ERN1: variants seen among roughly 807,000 people sequenced by gnomAD.
The protein encoded by ERN1 is endoplasmic reticulum to nucleus signaling 1.
Under a neutral mutation model 113.1 loss-of-function variants are expected in ERN1, and 39 were observed. The observed-to-expected ratio is 0.34, with a 90% CI of 0.27 to 0.45. The LOEUF is 0.45. Among genes scored for constraint, ERN1 ranks in the 20% least tolerant of loss-of-function variants. The probability of loss-of-function intolerance (pLI) is 1.00; values close to 1 mark genes in which losing one functional copy is unlikely to be tolerated. For missense variants in ERN1, 976 were observed against 1,274.8 expected (o/e 0.77, Z 3.57); for synonymous variants, 507 against 515.9 (o/e 0.98, Z 0.23).
intron 1 of ERN1, among the ~76,000 whole-genome samples, chr17:64,123,535 T>A (rs1032568246): frequency 6.6e-6 from 1 of 152,070 alleles, no homozygotes; most frequent in Admixed American, 6.6e-5. Flanking sequence ...TAAAAGAAAA[T>A]AGCATACTTT....
intron 2 of ERN1, among the ~76,000 whole-genome samples, chr17:64,093,959 C>T (rs749636458): frequency 1.3e-5 from 2 of 152,172 alleles, no homozygotes; most frequent in African/African-American, 4.8e-5. Context: ...CAGAGACTAG[C>T]GGACTTTACA....
intron 12 of ERN1, 99 bp from the exon 13 acceptor site, chr17:64,056,047 A>C: frequency 6.9e-7 from 1 of 1,444,408 alleles, no homozygotes; most frequent in Non-Finnish European, 9.1e-7. Context: ...GAGCATGTGT[A>C]CTTTATGTGA....
At position 64,054,457 on chromosome 17, in the gene ERN1, G is replaced by A; in HGVS notation, c.1764-18C>T. ...ACATGCCCCTGCGGGATGAGGAGTG[G>A]GAGTTGTGTCTGGGAAGCACGAGTC... On this transcript the variant is annotated intron_variant, in intron 14 of 21. Transcript: ENST00000433197. This position sits in a 1 kb window ranked among gnomAD's most constrained non-coding sequence, Gnocchi z 4.9. The A allele has an allele frequency of 6.5e-7, 1 of 1,547,692 alleles. No individual in the cohort carries two copies. Among genetic ancestry groups the A allele is most frequent in the Non-Finnish European group, 8.7e-7 (1 of 1,143,410 alleles).
chr17:64,087,376 T>C (rs1913965637), intron 2 of ERN1, among the ~76,000 whole-genome samples: 3 of 152,180 alleles, frequency 2.0e-5, no homozygotes, highest in Admixed American at 6.5e-5. Context: ...CCAGTCCCAC[T>C]TGCAACTGCT....
chr17:64,100,342 T>G (rs1914350956), intron 1 of ERN1, among the ~76,000 whole-genome samples: 1 of 152,124 alleles, frequency 6.6e-6, no homozygotes, highest in Non-Finnish European at 1.5e-5. Context: ...GGGCAAATTA[T>G]GCATACCTGG....
chr17:64,077,935 C>T (rs1022158151), intron 4 of ERN1, among the ~76,000 whole-genome samples: 19 of 152,046 alleles, frequency 1.2e-4, no homozygotes, highest in African/African-American at 4.1e-4. Flanking sequence ...TTAGTAGAGA[C>T]GGGGTTTCAC....
intron 2 of ERN1, among the ~76,000 whole-genome samples, chr17:64,086,667 G>A (rs1176124969): frequency 7.9e-5 from 1 of 12,620 alleles, no homozygotes; most frequent in Non-Finnish European, 1.6e-4. Flanking sequence ...TTTTTTTTGA[G>A]ATGGAGTCTC....
intron 19 of ERN1, among the ~76,000 whole-genome samples, chr17:64,046,012 T>C (rs953975679): frequency 2.6e-5 from 4 of 152,068 alleles, no homozygotes; most frequent in African/African-American, 9.7e-5. Context: ...GAGGCTCCTG[T>C]TGGGATTCAA....
intron 4 of ERN1, among the ~76,000 whole-genome samples, chr17:64,078,808 C>T (rs1598064242): frequency 6.6e-6 from 1 of 152,022 alleles, no homozygotes; most frequent in African/African-American, 2.4e-5. Flanking sequence ...AGTTGGAGAC[C>T]AGCCTAGGCA....
At chr17:64,046,367 A>G (rs1348669711) in intron 19 of ERN1, among the ~76,000 whole-genome samples, 2 of 152,226 alleles carry the variant, frequency 1.3e-5, no homozygotes, top group African/African-American at 4.8e-5. Context: ...TTCGAGAGAC[A>G]TATGACCTGG....
In ERN1 at chr17:64,098,243, T is replaced by C. The variant is rs755914237; in HGVS notation, c.55-2A>G. ...CACTGTGCTGGTACTTCCAAAAATC[T>C]GCAACGAGATGTAGAAGACTCTTAA... On this transcript the variant is annotated splice_acceptor_variant, in intron 1 of 21. Coordinates refer to ENST00000433197, the MANE Select transcript of ERN1 (RefSeq NM_001433.5). LOFTEE classifies it high-confidence loss of function. The C allele has an allele frequency of 6.2e-7, 1 of 1,613,930 alleles. No individual in the cohort carries two copies. Among genetic ancestry groups the C allele is most frequent in the South Asian group, 1.1e-5 (1 of 91,084 alleles).
At chr17:64,073,128 C>T (rs1396710031) in intron 5 of ERN1, among the ~76,000 whole-genome samples, 3 of 151,728 alleles carry the variant, frequency 2.0e-5, no homozygotes, top group Non-Finnish European at 4.4e-5. Flanking sequence ...GCCTCAGCCT[C>T]CCCATAGTTG....
chr17:64,103,499 A>C, intron 1 of ERN1, among the ~76,000 whole-genome samples: 1 of 150,702 alleles, frequency 6.6e-6, no homozygotes, highest in East Asian at 1.9e-4. Context: ...TCCATCTCAA[A>C]AAAAAAAAAA....
intron 17 of ERN1, among the ~76,000 whole-genome samples, chr17:64,050,622 G>T (rs1912653571): frequency 1.3e-5 from 2 of 152,144 alleles, no homozygotes; most frequent in African/African-American, 4.8e-5. Context: ...GGAAGTGTTT[G>T]AAGTGTCCAA....
intron 1 of ERN1, chr17:64,103,038 TC>T: frequency 1.3e-6 from 1 of 777,790 alleles, no homozygotes; most frequent in Non-Finnish European, 1.6e-6. Flanking sequence ...AGCTAATTGG[TC>T]CCCACAGACA....
At chr17:64,052,689 C>G in intron 17 of ERN1, 91 bp downstream of exon 17, 2 of 1,188,316 alleles carry the variant, frequency 1.7e-6, no homozygotes, top group Non-Finnish European at 2.3e-6. Flanking sequence ...ACACGGGCAC[C>G]AGCCCCCAAA....
chr17:64,048,383 T>A (rs192563279), intron 18 of ERN1, among the ~76,000 whole-genome samples: 1 of 152,346 alleles, frequency 6.6e-6, no homozygotes, highest in Admixed American at 6.5e-5. Context: ...CACGTCTAGA[T>A]AAATGACTGG....
rs1424364120 is a variant in ERN1, at chr17:64,053,710, C to A, written c.1954-339G>T. ...GAGTTACCAACTGGCATCCTCCAAG[C>A]CCACACCAGCCATGACTGAAGAGGG... On this transcript the variant is annotated intron_variant, in intron 15 of 21. Coordinates refer to ENST00000433197, the MANE Select transcript of ERN1 (RefSeq NM_001433.5). Among the ~76,000 whole-genome samples, 5 of 152,238 alleles carry A rather than the reference C, an allele frequency of 3.3e-5. No individual in the cohort carries two copies. In the East Asian group the frequency reaches 9.7e-4, roughly 29 times the overall value.
intron 2 of ERN1, among the ~76,000 whole-genome samples, chr17:64,095,231 C>A (rs1324211672): frequency 1.3e-5 from 2 of 152,118 alleles, no homozygotes; most frequent in Non-Finnish European, 2.9e-5. Context: ...GAGTTTGAGA[C>A]CACCCTGGCC....
Sources: allele counts gnomAD v4.1 joint callset (sites outside exome capture counted in the v4.1 genomes callset), GRCh38; gene constraint gnomAD v4.1.1; non-coding constraint Gnocchi (gnomAD v3.1); transcripts MANE v1.5; gene names NCBI Gene and HGNC (gene_info 2026-07-23, HGNC 2026-07-21).